The following TBC1D21 variants were observed in gnomAD, a reference collection of about 807,000 sequenced individuals.
TBC1D21 encodes the protein TBC1 domain family member 21.
A neutral mutation model predicts 46.0 loss-of-function variants in TBC1D21; 38 were observed. The ratio of observed to expected loss-of-function variants is 0.83; its 90% CI spans 0.64 to 1.08. TBC1D21 has a LOEUF of 1.08. Ranked by LOEUF, TBC1D21 falls within the 50% of genes least tolerant of loss-of-function variation. TBC1D21 has a pLI of 0.00. For missense variants in TBC1D21, 415 were observed against 417.9 expected, an observed-to-expected ratio of 0.99 and a Z score of 0.06; for synonymous variants, 151 against 157.2, an observed-to-expected ratio of 0.96 and a Z score of 0.29.
At chr15:73,880,695 T>C (rs891361430) in intron 1 of TBC1D21, among the ~76,000 whole-genome samples, 5 of 152,136 alleles carry the variant, frequency 3.3e-5, no homozygotes, top group African/African-American at 1.2e-4. Context: ...CGCTTGAACC[T>C]GGGAGGCAGA....
intron 1 of TBC1D21, among the ~76,000 whole-genome samples, chr15:73,876,202 T>TATTTG (rs2068058886): frequency 5.2e-5 from 1 of 19,190 alleles, no homozygotes; most frequent in African/African-American, 2.3e-4. Flanking sequence ...TTTGTGGGTT[T>TATTTG]TTTTTTTTTT....
In TBC1D21 at chr15:73,876,222, T is replaced by TAG. The variant is rs1567062344; in HGVS notation, c.60+2453_60+2454insAG. 3.9e-5 allele frequency among the ~76,000 whole-genome samples: 2 copies of TAG among 50,968 alleles called. 1 individual carries two copies. The highest frequency in any genetic ancestry group is 6.7e-5 in the Non-Finnish European group (2 of 29,918). 33.4% of individuals were successfully genotyped at this position (50,968 alleles called of 152,430 possible). A position where few individuals can be genotyped will look rare whatever the true frequency, so the allele number is the denominator to read the frequency against. ...GGGTTTTTTTTTTTTTTTTTTTTTT[T>TAG]TTTTTTTTTTTTTTTTTTTTTTTGA... On this transcript the variant is annotated intron_variant, in intron 1 of 10. Transcript: ENST00000300504.
chr15:73,886,794 A>G (rs1249825963), intron 8 of TBC1D21, among the ~76,000 whole-genome samples, 182 bp downstream of exon 8: 2 of 152,162 alleles, frequency 1.3e-5, no homozygotes, highest in African/African-American at 2.4e-5. Context: ...CACTTTGTCC[A>G]TATGTTCATT....
chr15:73,886,421 T>A, intron 7 of TBC1D21, 91 bp from the exon 8 acceptor site: 1 of 1,194,742 alleles, frequency 8.4e-7, no homozygotes, highest in Non-Finnish European at 1.2e-6. Flanking sequence ...CCCAAGTGTT[T>A]TGCAGGCTCT....
chr15:73,887,216 T>C (rs934807025), intron 8 of TBC1D21, among the ~76,000 whole-genome samples: 2 of 152,206 alleles, frequency 1.3e-5, no homozygotes, highest in African/African-American at 2.4e-5. Context: ...CTGGTCTCCA[T>C]GCCCAAGTCC....
chr15:73,893,073 G>A (rs995659167), downstream of TBC1D21, among the ~76,000 whole-genome samples: 3 of 152,146 alleles, frequency 2.0e-5, no homozygotes, highest in African/African-American at 7.2e-5. Context: ...GTCATCACTG[G>A]TGGTGGTGAT....
chr15:73,881,081 T>G (rs1243201067), intron 1 of TBC1D21, among the ~76,000 whole-genome samples: 1 of 152,244 alleles, frequency 6.6e-6, no homozygotes, highest in East Asian at 1.9e-4. Context: ...TGATTATTAT[T>G]CATTCCTTGT....
At chr15:73,890,265 C>A (rs1273525405), downstream of TBC1D21, among the ~76,000 whole-genome samples, 2 of 152,196 alleles carry the variant, frequency 1.3e-5, no homozygotes, top group African/African-American at 4.8e-5. Flanking sequence ...GTCTCCTTCC[C>A]CTCAGGCGAC....
chr15:73,907,858 A>T, the TBC1D21 span, among the ~76,000 whole-genome samples: 2 of 152,218 alleles, frequency 1.3e-5, no homozygotes, highest in East Asian at 3.9e-4. Flanking sequence ...GTACAATGGG[A>T]CTACTATTGC....
chr15:73,902,882 G>A, the TBC1D21 span, among the ~76,000 whole-genome samples: 2 of 152,190 alleles, frequency 1.3e-5, no homozygotes, highest in African/African-American at 4.8e-5. Flanking sequence ...ATGCCCTGGG[G>A]AGGCCCCCCT....
chr15:73,894,198 T>C (rs762581425), downstream of TBC1D21, among the ~76,000 whole-genome samples: 1 of 152,090 alleles, frequency 6.6e-6, no homozygotes, highest in Non-Finnish European at 1.5e-5. Flanking sequence ...GCAGCTTCCG[T>C]TTTCACCTCT....
At chr15:73,877,476 G>T (rs1471723609) in intron 1 of TBC1D21, among the ~76,000 whole-genome samples, 1 of 53,498 alleles carries the variant, frequency 1.9e-5, no homozygotes, top group South Asian at 5.9e-4. Context: ...ATTTTAAAAA[G>T]AAATAATACC....
At chr15:73,906,293 G>A in the TBC1D21 span, among the ~76,000 whole-genome samples, 6 of 152,234 alleles carry the variant, frequency 3.9e-5, no homozygotes, top group Admixed American at 3.9e-4. Context: ...GGAAGTGGGA[G>A]ACGTATGTGG....
At chr15:73,897,560 C>T in the TBC1D21 span, among the ~76,000 whole-genome samples, 5 of 152,194 alleles carry the variant, frequency 3.3e-5, 1 homozygote, top group South Asian at 4.1e-4. Flanking sequence ...CCTGCACTTG[C>T]GTGTGCCAGC....
chr15:73,893,484 C>T (rs1185102190), downstream of TBC1D21, among the ~76,000 whole-genome samples: 3 of 152,214 alleles, frequency 2.0e-5, no homozygotes, highest in African/African-American at 4.8e-5. Flanking sequence ...CTCTTTCACT[C>T]TTCTTCTAAG....
chr15:73,904,053 AAT>A, the TBC1D21 span, among the ~76,000 whole-genome samples: 13 of 151,512 alleles, frequency 8.6e-5, no homozygotes, highest in South Asian at 2.3e-3. Context: ...GTCTCAAAAA[AAT>A]ATATATATAT....
At chr15:73,889,956 A>C (rs2068322875), downstream of TBC1D21, among the ~76,000 whole-genome samples, 1 of 152,168 alleles carries the variant, frequency 6.6e-6, no homozygotes, top group Admixed American at 6.5e-5. Flanking sequence ...GAAACTGCAG[A>C]AGGGTTGGGG....
intron 1 of TBC1D21, among the ~76,000 whole-genome samples, chr15:73,877,546 AAAAAGAAAT>A (rs2068089043): frequency 6.4e-5 from 4 of 62,518 alleles, no homozygotes; most frequent in African/African-American, 1.9e-4. Context: ...AAAAAAAAAA[AAAAAGAAAT>A]CCCTACTCAT....
chr15:73,881,625 C>T lies in TBC1D21; in HGVS notation c.169-19C>T. 2 of 1,610,886 alleles carry T rather than the reference C, an allele frequency of 1.2e-6. No homozygotes were observed. The highest frequency in any genetic ancestry group is 8.5e-7 in the Non-Finnish European group (1 of 1,177,352). On this transcript the variant is annotated intron_variant, in intron 2 of 10. Transcript: ENST00000300504. ...GCATCGATAGAGCCCATGACCTCCA[C>T]CTCCCACCCCCACCCCAGGGTCTGC...
Sources: allele counts gnomAD v4.1 joint callset (sites outside exome capture counted in the v4.1 genomes callset), GRCh38; gene constraint gnomAD v4.1.1; transcripts MANE v1.5; gene names NCBI Gene and HGNC (gene_info 2026-07-23, HGNC 2026-07-21).